Variants in RBM46 observed in about 807,000 individuals in gnomAD.
RBM46 encodes probable RNA-binding protein 46.
A neutral mutation model predicts 43.3 loss-of-function variants in RBM46; 12 were observed. The ratio of observed to expected loss-of-function variants is 0.28; its 90% CI spans 0.18 to 0.45. The LOEUF (loss-of-function observed/expected upper bound fraction) is 0.45. Among genes scored for constraint, RBM46 ranks in the 20% least tolerant of loss-of-function variants. The pLI, the probability that RBM46 is intolerant of heterozygous loss-of-function variation, is 1.00. For synonymous variants in RBM46, 205 were observed against 207.6 expected (o/e 0.99, Z 0.11); for missense variants, 412 against 639.1 (o/e 0.64, Z 3.83).
At chr4:154,802,903 T>C (rs926097215) in intron 4 of RBM46, among the ~76,000 whole-genome samples, 4 of 152,204 alleles carry the variant, frequency 2.6e-5, no homozygotes, top group African/African-American at 9.6e-5. Flanking sequence ...TGATATAAAG[T>C]CATTTTTTAA....
At chr4:154,823,368 CA>C (rs1312764805) in intron 4 of RBM46, among the ~76,000 whole-genome samples, 3 of 151,874 alleles carry the variant, frequency 2.0e-5, no homozygotes, top group Non-Finnish European at 3.0e-5. Flanking sequence ...CACTAAGTTG[CA>C]CACTTAAAGA....
chr4:154,801,610 T>C (rs1417597817), intron 4 of RBM46, among the ~76,000 whole-genome samples: 1 of 152,200 alleles, frequency 6.6e-6, no homozygotes, highest in African/African-American at 2.4e-5. Flanking sequence ...TGATCTACCA[T>C]GCTAATACTG....
intron 4 of RBM46, among the ~76,000 whole-genome samples, chr4:154,807,643 C>T (rs1461896903): frequency 6.6e-6 from 1 of 151,764 alleles, no homozygotes; most frequent in East Asian, 1.9e-4. Context: ...ATCATCAATC[C>T]CAGAGCATTT....
At chr4:154,790,036 T>A (rs1309823249) in intron 1 of RBM46, among the ~76,000 whole-genome samples, 2 of 152,228 alleles carry the variant, frequency 1.3e-5, no homozygotes, top group East Asian at 1.9e-4. Context: ...TTTATCATTT[T>A]TTATTGCATT....
In RBM46 at chr4:154,799,954, G is replaced by C. The variant is rs185617565; in HGVS notation, c.1402+390G>C. Among the ~76,000 whole-genome samples, 6 of 151,972 alleles carry C rather than the reference G, an allele frequency of 3.9e-5. No homozygotes were observed. The East Asian group carries it at 1.2e-3, about 29-fold the overall frequency. On this transcript the variant is annotated intron_variant, in intron 4 of 4. Coordinates refer to ENST00000281722, the MANE Select transcript of RBM46 (RefSeq NM_144979.5). ...TTTTGGCTAATTTTTTGTATTTTTA[G>C]TAGAGACAGGGTTTCACTGTGTTAG...
At chr4:154,817,004 C>T (rs1323900103) in intron 4 of RBM46, among the ~76,000 whole-genome samples, 2 of 151,848 alleles carry the variant, frequency 1.3e-5, no homozygotes, top group South Asian at 2.1e-4. Context: ...ATCTTATTTC[C>T]GAAGTAAACT....
At chr4:154,781,490 GA>G (rs1482678616) in intron 1 of RBM46, 54 bp downstream of exon 1, 7 of 152,384 alleles carry the variant, frequency 4.6e-5, no homozygotes, top group African/African-American at 1.7e-4. Context: ...CTAACGGCTG[GA>G]TAGTGCCCGG....
At chr4:154,812,559 G>C (rs1268393492) in intron 4 of RBM46, among the ~76,000 whole-genome samples, 1 of 152,002 alleles carries the variant, frequency 6.6e-6, no homozygotes, top group African/African-American at 2.4e-5. Context: ...CTATTTCCTG[G>C]TCCCCTGTTA....
intron 1 of RBM46, among the ~76,000 whole-genome samples, chr4:154,791,006 T>G (rs1283284807): frequency 6.6e-6 from 1 of 152,218 alleles, no homozygotes; most frequent in East Asian, 1.9e-4. Context: ...GCTGGAGTTT[T>G]CAATTTTGGC....
chr4:154,797,648 G>A (rs533340271), intron 2 of RBM46, among the ~76,000 whole-genome samples, 163 bp from the exon 3 acceptor site: 2 of 152,208 alleles, frequency 1.3e-5, no homozygotes, highest in Non-Finnish European at 2.9e-5. Context: ...TTGAATATTA[G>A]CTTCATAAGG....
intron 4 of RBM46, among the ~76,000 whole-genome samples, chr4:154,813,051 T>C (rs569592432): frequency 2.6e-5 from 4 of 152,202 alleles, no homozygotes; most frequent in Non-Finnish European, 5.9e-5. Context: ...CTGCATTATA[T>C]GGGTGAGTAC....
intron 1 of RBM46, among the ~76,000 whole-genome samples, chr4:154,785,906 C>A (rs1733739289): frequency 6.6e-6 from 1 of 152,148 alleles, no homozygotes; most frequent in Admixed American, 6.5e-5. Context: ...CTAAGGTCCA[C>A]TTGCAGTTGT....
chr4:154,784,708 C>T (rs981008354), intron 1 of RBM46, among the ~76,000 whole-genome samples: 2 of 152,154 alleles, frequency 1.3e-5, no homozygotes, highest in African/African-American at 4.8e-5. Context: ...CTCAGGATCC[C>T]TCCTTCTCTT....
intron 4 of RBM46, among the ~76,000 whole-genome samples, chr4:154,803,246 A>G (rs1220005576): frequency 6.6e-6 from 1 of 152,168 alleles, no homozygotes; most frequent in Non-Finnish European, 1.5e-5. Context: ...TTTAAGCAAA[A>G]TACCCTTAAT....
At chr4:154,793,314 T>C (rs113684559) in intron 1 of RBM46, among the ~76,000 whole-genome samples, 3 of 152,350 alleles carry the variant, frequency 2.0e-5, no homozygotes, top group African/African-American at 7.2e-5. Flanking sequence ...ATACAGTGTT[T>C]CACTGAACAT....
intron 4 of RBM46, among the ~76,000 whole-genome samples, chr4:154,808,559 T>C (rs2111170973): frequency 6.6e-6 from 1 of 152,166 alleles, no homozygotes; most frequent in South Asian, 2.1e-4. Flanking sequence ...GTGCCATGTA[T>C]GTGGACGGCT....
At chr4:154,797,157 G>A (rs1167675984) in intron 2 of RBM46, among the ~76,000 whole-genome samples, 1 of 152,090 alleles carries the variant, frequency 6.6e-6, no homozygotes, top group East Asian at 1.9e-4. Flanking sequence ...GTCAGGATTA[G>A]GAAAGTAGGA....
intron 4 of RBM46, among the ~76,000 whole-genome samples, chr4:154,816,756 C>T (rs1414514012): frequency 6.6e-6 from 1 of 151,796 alleles, no homozygotes; most frequent in Non-Finnish European, 1.5e-5. Context: ...TGATAAAAAC[C>T]ATCCTTATAA....
intron 1 of RBM46, among the ~76,000 whole-genome samples, chr4:154,789,148 C>T (rs888310432): frequency 1.3e-5 from 2 of 152,244 alleles, no homozygotes; most frequent in African/African-American, 2.4e-5. Flanking sequence ...TCCTCTTTTC[C>T]TAATTGAATA....
Sources: allele counts gnomAD v4.1 joint callset (sites outside exome capture counted in the v4.1 genomes callset), GRCh38; gene constraint gnomAD v4.1.1; transcripts MANE v1.5; gene names NCBI Gene and HGNC (gene_info 2026-07-23, HGNC 2026-07-21).